Variants in ADAM9 observed in about 807,000 individuals in gnomAD.
ADAM9 encodes the protein disintegrin and metalloproteinase domain-containing protein 9.
In ADAM9, 54 loss-of-function variants were observed where a neutral mutation model predicts 108.1. The observed-to-expected ratio is 0.50, with a 90% CI of 0.40 to 0.63. The LOEUF is 0.63. Ranked by LOEUF, ADAM9 falls within the 20% of genes least tolerant of loss-of-function variation. The probability of loss-of-function intolerance (pLI) is 0.00; values close to 1 mark genes in which losing one functional copy is unlikely to be tolerated. For synonymous variants in ADAM9, 316 were observed against 336.0 expected, an observed-to-expected ratio of 0.94 and a Z score of 0.65; for missense variants, 830 against 997.7, an observed-to-expected ratio of 0.83 and a Z score of 2.26.
At chr8:39,088,678 A>G (rs1221596711) in intron 18 of ADAM9, among the ~76,000 whole-genome samples, 1 of 152,226 alleles carries the variant, frequency 6.6e-6, no homozygotes, top group African/African-American at 2.4e-5. Flanking sequence ...AACAGATAAA[A>G]TACTTAAAGA....
intron 1 of ADAM9, among the ~76,000 whole-genome samples, chr8:38,998,328 T>C (rs10093975): frequency 0.41 from 62,886 of 152,108 alleles, 13,693 homozygotes; most frequent in East Asian, 0.75. Flanking sequence ...GGTGGTATTC[T>C]AGATGGTTAA....
intron 2 of ADAM9, among the ~76,000 whole-genome samples, chr8:39,008,510 C>T (rs905902341): frequency 6.6e-6 from 1 of 151,904 alleles, no homozygotes; most frequent in South Asian, 2.1e-4. Context: ...ATGATCAACT[C>T]GAAACATAAC....
intron 12 of ADAM9, among the ~76,000 whole-genome samples, chr8:39,045,385 GGTGTGTGTA>G (rs1837696975): frequency 6.9e-3 from 110 of 15,958 alleles, no homozygotes; most frequent in African/African-American, 0.014. Context: ...TACACCTATA[GGTGTGTGTA>G]CACACACCTA....
chr8:39,002,051 AAAG>A (rs1283793275), intron 1 of ADAM9, among the ~76,000 whole-genome samples: 6 of 151,490 alleles, frequency 4.0e-5, no homozygotes, highest in African/African-American at 1.4e-4. Context: ...AAAAAAAAAA[AAAG>A]GCAAAAACTG....
At chr8:39,071,465 CTTTTTTTTT>C (rs34398586) in intron 15 of ADAM9, 62 bp downstream of exon 15, 7 of 589,946 alleles carry the variant, frequency 1.2e-5, no homozygotes, top group Admixed American at 3.5e-5. Context: ...TCTCTAGTAT[CTTTTTTTTT>C]TTTTTTTTTT....
chr8:39,049,524 C>T (rs551237276), intron 12 of ADAM9, among the ~76,000 whole-genome samples: 14 of 150,948 alleles, frequency 9.3e-5, no homozygotes, highest in Admixed American at 2.0e-4. Context: ...CTGTATCCTC[C>T]GCCTCCTGGG....
chr8:39,005,132 T>C (rs1388014247), intron 1 of ADAM9, among the ~76,000 whole-genome samples: 1 of 152,158 alleles, frequency 6.6e-6, no homozygotes, highest in Admixed American at 6.5e-5. Context: ...ATCCTAAAGA[T>C]TGTAGAGGGA....
At chr8:39,073,429 C>T (rs1226633154) in intron 15 of ADAM9, among the ~76,000 whole-genome samples, 1 of 152,118 alleles carries the variant, frequency 6.6e-6, no homozygotes, top group Non-Finnish European at 1.5e-5. Flanking sequence ...AAATTCTTTT[C>T]ATTTCTGGAA....
Position 39,090,092 on chromosome 8 carries a change from T to C in ADAM9, c.2114T>C (p.Leu705Pro), listed in dbSNP as rs1839301942. 1 of 1,613,850 alleles carries C rather than the reference T, an allele frequency of 6.2e-7. No homozygotes were observed. The change falls in exon 19 of 22, where the codon CTA becomes CCA. Residue 705 changes from leucine to proline, a missense_variant. Leu to Pro is a moderately conservative substitution (Grantham distance 98). Transcript: ENST00000487273. ...GACGGACTTCTGGTCTTCTTCTTCC[T>C]AATTGTTCCCCTTATTGTCTGTGCT... ...LRDGLLVFFF[L>P]IVPLIVCAIF...
chr8:39,070,957 A>T (rs1838665473), intron 14 of ADAM9, among the ~76,000 whole-genome samples: 1 of 152,206 alleles, frequency 6.6e-6, no homozygotes, highest in Non-Finnish European at 1.5e-5. Flanking sequence ...GTTGGTTTAT[A>T]TGTGAGAGCA....
intron 21 of ADAM9, among the ~76,000 whole-genome samples, chr8:39,102,358 A>G (rs144487545): frequency 1.0e-3 from 156 of 152,346 alleles, no homozygotes; most frequent in Non-Finnish European, 1.9e-3. Context: ...AAGGAAATCT[A>G]GAAATGATCC....
intron 5 of ADAM9, among the ~76,000 whole-genome samples, chr8:39,016,785 A>G (rs1187693589): frequency 6.6e-6 from 1 of 152,190 alleles, no homozygotes; most frequent in Non-Finnish European, 1.5e-5. Flanking sequence ...GTGCCAGGCA[A>G]TATGTTCCGT....
chr8:39,084,069 T>A (rs1213388312), intron 18 of ADAM9, among the ~76,000 whole-genome samples: 2 of 152,216 alleles, frequency 1.3e-5, no homozygotes, highest in Non-Finnish European at 2.9e-5. Context: ...TAATTTGCAT[T>A]TCTCTAATTA....
At chr8:39,040,232 A>G (rs1251803014) in intron 11 of ADAM9, among the ~76,000 whole-genome samples, 1 of 152,014 alleles carries the variant, frequency 6.6e-6, no homozygotes, top group Non-Finnish European at 1.5e-5. Context: ...GTATTTTAGT[A>G]GAGACGGGGT....
chr8:38,997,413 C>A (rs1835852972), intron 1 of ADAM9, among the ~76,000 whole-genome samples: 1 of 152,142 alleles, frequency 6.6e-6, no homozygotes, highest in Non-Finnish European at 1.5e-5. Context: ...GGAGCCGTTC[C>A]CAGCGTCCCC....
chr8:39,021,980 A>G (rs1836755818), intron 8 of ADAM9, among the ~76,000 whole-genome samples: 1 of 152,030 alleles, frequency 6.6e-6, no homozygotes, highest in Non-Finnish European at 1.5e-5. Context: ...TTTGGCATTT[A>G]TGGAAAGATC....
chr8:39,099,885 T>G (rs1460601119), intron 20 of ADAM9, among the ~76,000 whole-genome samples: 2 of 145,304 alleles, frequency 1.4e-5, no homozygotes, highest in Non-Finnish European at 3.0e-5. Flanking sequence ...GTTTTTTTTT[T>G]TTTTTTTTTT....
At chr8:39,025,000 T>G (rs528928203) in intron 9 of ADAM9, among the ~76,000 whole-genome samples, 14 of 152,102 alleles carry the variant, frequency 9.2e-5, no homozygotes, top group African/African-American at 3.4e-4. Context: ...TATATTAATA[T>G]TAGGGAAGAG....
At position 39,077,275 on chromosome 8, in the gene ADAM9, C is replaced by G. The variant is rs1272204964; in HGVS notation, c.1745C>G (p.Pro582Arg). 2 of 1,614,036 alleles carry G rather than the reference C, an allele frequency of 1.2e-6. No individual in the cohort carries two copies. The highest frequency in any genetic ancestry group is 1.3e-5 in the African/African-American group (1 of 75,006). ...KLQCENVQEI[P>R]VFGIVPAIIQ... ...CAGTGTGAGAATGTACAAGAGATAC[C>G]TGTATTTGGAATTGTGCCTGCTATT... The change falls in exon 16 of 22, where the codon CCT becomes CGT. Residue 582 changes from proline (P) to arginine (R), a missense_variant. Pro to Arg is a moderately radical substitution (Grantham distance 103, BLOSUM62 -2). Around this residue, in one of 3 missense-constraint regions of ADAM9, gnomAD observed 381 missense variants for 539.8 expected, o/e 0.71. Coordinates refer to ENST00000487273, the MANE Select transcript of ADAM9 (RefSeq NM_003816.3).
Sources: allele counts gnomAD v4.1 joint callset (sites outside exome capture counted in the v4.1 genomes callset), GRCh38; gene constraint gnomAD v4.1.1; regional missense constraint gnomAD v4.1.1; transcripts MANE v1.5; gene names NCBI Gene and HGNC (gene_info 2026-07-23, HGNC 2026-07-21).